Variants in RAB31 observed in about 807,000 individuals in gnomAD.
RAB31 encodes the protein ras-related protein Rab-31.
A neutral mutation model predicts 25.6 loss-of-function variants in RAB31; 21 were observed. The observed-to-expected ratio is 0.82, with a 90% confidence interval of 0.58 to 1.18. RAB31 has a LOEUF of 1.18. Ranked by LOEUF, RAB31 falls within the 50% of genes most tolerant of loss-of-function variation. RAB31 has a pLI of 0.00. For synonymous variants in RAB31, 87 were observed against 84.0 expected, an observed-to-expected ratio of 1.04 and a Z score of -0.20; for missense variants, 196 against 250.1, an observed-to-expected ratio of 0.78 and a Z score of 1.46.
intron 1 of RAB31, chr18:9,774,921 G>T (rs765530394): frequency 1.9e-6 from 1 of 523,484 alleles, no homozygotes; most frequent in African/African-American, 1.9e-5. Context: ...TTCTGTTTCT[G>T]CCCAAACAAT....
At chr18:9,741,567 A>C (rs1426154852) in intron 1 of RAB31, among the ~76,000 whole-genome samples, 1 of 152,074 alleles carries the variant, frequency 6.6e-6, no homozygotes, top group East Asian at 1.9e-4. Flanking sequence ...TCCAGTGGGA[A>C]GTCCTTTCTG....
chr18:9,730,233 A>G (rs180751511), intron 1 of RAB31, among the ~76,000 whole-genome samples: 65 of 152,290 alleles, frequency 4.3e-4, no homozygotes, highest in African/African-American at 1.5e-3. Flanking sequence ...GGGCAAATTT[A>G]AAATACGCAT....
chr18:9,840,054 G>C (rs761341056), intron 5 of RAB31, among the ~76,000 whole-genome samples: 1 of 152,204 alleles, frequency 6.6e-6, no homozygotes, highest in Non-Finnish European at 1.5e-5. Flanking sequence ...TGGGATGGGG[G>C]TGTGCTTCAG....
intron 1 of RAB31, among the ~76,000 whole-genome samples, chr18:9,737,279 A>G (rs1437447009): frequency 6.6e-6 from 1 of 152,198 alleles, no homozygotes; most frequent in African/African-American, 2.4e-5. Context: ...GATTCACCCC[A>G]GCCATGCCTC....
intron 1 of RAB31, chr18:9,735,339 A>G: frequency 4.8e-6 from 1 of 207,672 alleles, no homozygotes; most frequent in South Asian, 8.9e-5. Flanking sequence ...TTTTAGCAGC[A>G]TTTGCCTGTG....
intron 1 of RAB31, among the ~76,000 whole-genome samples, chr18:9,746,100 A>C (rs2068204233): frequency 6.6e-6 from 1 of 152,270 alleles, no homozygotes; most frequent in Non-Finnish European, 1.5e-5. Context: ...ATGCAAAAAT[A>C]AGTTGTGTGT....
At position 9,742,903 on chromosome 18, in the gene RAB31, T is replaced by A. The variant is rs557439149; in HGVS notation, c.40-32375T>A. Among the ~76,000 whole-genome samples, 3 of 152,230 alleles carry A rather than the reference T, an allele frequency of 2.0e-5. No homozygotes were observed. The East Asian group carries it at 5.8e-4, about 29-fold the overall frequency. On this transcript the variant is annotated intron_variant, in intron 1 of 6. Coordinates refer to ENST00000578921, the MANE Select transcript of RAB31 (RefSeq NM_006868.4). ...TTCTTCTTTTCCTTCTTCTTCTTTT[T>A]AAAAAAAATCCAGTCCACTAAAGCA...
chr18:9,792,180 C>G lies in RAB31; in HGVS notation c.146C>G (p.Pro49Arg). 7 of 1,612,240 alleles carry G rather than the reference C, an allele frequency of 4.3e-6. No homozygotes were observed. The highest frequency in any genetic ancestry group is 5.9e-6 in the Non-Finnish European group (7 of 1,179,126). ...IGASFMTKTV[P>R]CGNELHKFLI... is the part of the protein sequence containing the mutation. ...GCATCTTTTATGACCAAAACTGTGCCTTGTGGAAATGAACTTCACAAGTTC... is the reference window on the plus strand; with the variant it reads ...GCATCTTTTATGACCAAAACTGTGCGTTGTGGAAATGAACTTCACAAGTTC... Residue 49 changes from proline to arginine, a missense_variant, in exon 3 of 7, where the codon CCT (proline) becomes CGT (arginine). Coordinates refer to ENST00000578921, the MANE Select transcript of RAB31 (RefSeq NM_006868.4).
At chr18:9,841,169 C>T (rs141748446) in intron 5 of RAB31, among the ~76,000 whole-genome samples, 1 of 151,938 alleles carries the variant, frequency 6.6e-6, no homozygotes, top group Non-Finnish European at 1.5e-5. Flanking sequence ...TGATCTGGAG[C>T]GATGCTCCTG....
At chr18:9,752,790 G>A (rs1312974521) in intron 1 of RAB31, among the ~76,000 whole-genome samples, 1 of 152,162 alleles carries the variant, frequency 6.6e-6, no homozygotes, top group African/African-American at 2.4e-5. Flanking sequence ...TTTACAACTA[G>A]GGATGTGCAA....
chr18:9,788,339 G>A (rs866303704), intron 2 of RAB31, among the ~76,000 whole-genome samples: 31 of 152,224 alleles, frequency 2.0e-4, no homozygotes, highest in Admixed American at 7.8e-4. Flanking sequence ...AAAACCACAG[G>A]AAGATATCAT....
At chr18:9,828,501 C>G (rs779799971) in intron 5 of RAB31, among the ~76,000 whole-genome samples, 9 of 152,152 alleles carry the variant, frequency 5.9e-5, no homozygotes, top group African/African-American at 9.7e-5. Flanking sequence ...CCAGGGTGAG[C>G]CTGTGCTTCC....
chr18:9,858,238 C>T (rs1418743472), intron 6 of RAB31, among the ~76,000 whole-genome samples: 2 of 152,120 alleles, frequency 1.3e-5, no homozygotes, highest in East Asian at 1.9e-4. Context: ...CTCAAGTTCT[C>T]GAGTCACAGT....
At chr18:9,853,265 T>C (rs550207388) in intron 6 of RAB31, among the ~76,000 whole-genome samples, 4 of 152,294 alleles carry the variant, frequency 2.6e-5, no homozygotes, top group African/African-American at 9.6e-5. Context: ...CCCTTTTGAT[T>C]TGTGCTTTTT....
chr18:9,708,515 T>TGC lies in RAB31; in HGVS notation c.39+76_39+77dup. The TGC allele has an allele frequency of 7.5e-7, 1 of 1,329,046 alleles. No individual in the cohort carries two copies. Among genetic ancestry groups the TGC allele is most frequent in the Non-Finnish European group, 1.0e-6 (1 of 989,090 alleles). The allele number at this position is 1,329,046 out of a possible 1,614,324, so 82.3% of individuals were successfully genotyped here. ...CGCGCCCCTTCGCTCCCCTATTCCCTGCGCGCTCAGTCCCCGTGATCCCCT... is the reference window on the plus strand; with the variant it reads ...CGCGCCCCTTCGCTCCCCTATTCCCTGCGCGCGCTCAGTCCCCGTGATCCCCT... On this transcript the variant is annotated intron_variant, in intron 1 of 6. Coordinates refer to ENST00000578921, the MANE Select transcript of RAB31 (RefSeq NM_006868.4). This position sits in a 1 kb window ranked among gnomAD's most constrained non-coding sequence, Gnocchi z 6.4.
chr18:9,731,262 G>A (rs990433071), intron 1 of RAB31, among the ~76,000 whole-genome samples: 2 of 152,118 alleles, frequency 1.3e-5, no homozygotes, highest in African/African-American at 2.4e-5. Context: ...TATTTTTGGG[G>A]CAGTTTAACC....
intron 3 of RAB31, among the ~76,000 whole-genome samples, chr18:9,801,915 AAC>A: frequency 6.6e-6 from 1 of 152,360 alleles, no homozygotes; most frequent in South Asian, 2.1e-4. Context: ...CAGTTGTCCC[AAC>A]ACAGTTTATT....
chr18:9,752,169 A>G (rs2068238397), intron 1 of RAB31, among the ~76,000 whole-genome samples: 2 of 151,952 alleles, frequency 1.3e-5, no homozygotes, highest in African/African-American at 4.8e-5. Context: ...CCCTTTCTCC[A>G]CCGTGCTTGC....
At chr18:9,859,025 G>A (rs2068833363) in intron 6 of RAB31, among the ~76,000 whole-genome samples, 2 of 152,118 alleles carry the variant, frequency 1.3e-5, no homozygotes, top group African/African-American at 4.8e-5. Context: ...CCATGAATTG[G>A]GCTTCATGCA....
Sources: allele counts gnomAD v4.1 joint callset (sites outside exome capture counted in the v4.1 genomes callset), GRCh38; gene constraint gnomAD v4.1.1; non-coding constraint Gnocchi (gnomAD v3.1); transcripts MANE v1.5; gene names NCBI Gene and HGNC (gene_info 2026-07-23, HGNC 2026-07-21).